The following DNM3 variants were observed in gnomAD, a reference collection of about 807,000 sequenced individuals.
DNM3 encodes the protein dynamin-3.
DNM3 carries 47 observed loss-of-function variants against 101.6 expected under a neutral mutation model. The ratio of observed to expected loss-of-function variants is 0.46; its 90% confidence interval spans 0.37 to 0.59. The LOEUF (loss-of-function observed/expected upper bound fraction) is 0.59, where lower values mean the gene tolerates loss of function less well. Ranked by LOEUF, DNM3 falls within the 20% of genes least tolerant of loss-of-function variation. The pLI is 0.00. For synonymous variants in DNM3, 385 were observed against 387.9 expected (o/e 0.99, Z 0.09); for missense variants, 849 against 1,085.7 (o/e 0.78, Z 3.06).
intron 13 of DNM3, among the ~76,000 whole-genome samples, chr1:172,096,164 C>T (rs1572488910): frequency 1.3e-5 from 2 of 152,220 alleles, no homozygotes; most frequent in Non-Finnish European, 2.9e-5. Flanking sequence ...GATTTAAAGT[C>T]ACCCTCCCTT....
intron 4 of DNM3, among the ~76,000 whole-genome samples, chr1:172,014,556 G>A (rs2047324312): frequency 1.3e-5 from 2 of 152,050 alleles, no homozygotes; most frequent in African/African-American, 4.8e-5. Context: ...ATATGATGTT[G>A]AACATCTTTT....
At chr1:172,305,936 G>A (rs1464404739) in intron 15 of DNM3, among the ~76,000 whole-genome samples, 2 of 152,320 alleles carry the variant, frequency 1.3e-5, no homozygotes, top group Non-Finnish European at 2.9e-5. Context: ...TAGTGAATGG[G>A]CAAAAACTGG....
chr1:171,915,637 A>G (rs1019067396), intron 1 of DNM3, among the ~76,000 whole-genome samples: 23 of 152,122 alleles, frequency 1.5e-4, no homozygotes, highest in Admixed American at 2.0e-4. Flanking sequence ...AACTGTAGAG[A>G]TGTTTGGTTC....
chr1:171,954,057 C>T (rs1350273246), intron 2 of DNM3, among the ~76,000 whole-genome samples: 2 of 152,168 alleles, frequency 1.3e-5, no homozygotes, highest in African/African-American at 4.8e-5. Flanking sequence ...ACTGCCCCTT[C>T]TGTTGTGGAC....
intron 20 of DNM3, chr1:172,389,025 C>T (rs1397726411): frequency 1.0e-5 from 6 of 593,084 alleles, no homozygotes; most frequent in Non-Finnish European, 1.8e-5. Flanking sequence ...TCAATTGGCA[C>T]AGACTAAATA....
chr1:172,342,120 G>A lies in DNM3; in HGVS notation c.1893+18780G>A, dbSNP rs760858473. On this transcript the variant is annotated intron_variant, in intron 17 of 20. Transcript: ENST00000627582. ...AAATAAAAAAATAGCAGATGGTGGCGAGGTTGCAGAGAAAAGGGAATGTTC... is the reference window on the plus strand; with the variant it reads ...AAATAAAAAAATAGCAGATGGTGGCAAGGTTGCAGAGAAAAGGGAATGTTC... Among the ~76,000 whole-genome samples the A allele has an allele frequency of 3.3e-5, 5 of 152,246 alleles. No individual in the cohort carries two copies. The East Asian group carries it at 5.8e-4, about 18-fold the overall frequency.
chr1:171,917,288 A>T (rs1386446124), intron 1 of DNM3, among the ~76,000 whole-genome samples: 1 of 152,100 alleles, frequency 6.6e-6, no homozygotes, highest in Non-Finnish European at 1.5e-5. Flanking sequence ...GCCGGGGGGA[A>T]TTTTTTTTAG....
intron 1 of DNM3, among the ~76,000 whole-genome samples, chr1:171,877,879 G>C (rs1454521864): frequency 6.6e-6 from 1 of 152,212 alleles, no homozygotes; most frequent in Non-Finnish European, 1.5e-5. Context: ...TCGTGGTTAA[G>C]ACTTAGACCG....
intron 20 of DNM3, among the ~76,000 whole-genome samples, chr1:172,389,645 A>G (rs1169664033): frequency 6.6e-6 from 1 of 152,206 alleles, no homozygotes; most frequent in Non-Finnish European, 1.5e-5. Flanking sequence ...TAGCCCATAT[A>G]TAAAGTTAAT....
At chr1:172,009,125 A>ATT (rs2046939815) in intron 4 of DNM3, among the ~76,000 whole-genome samples, 1 of 133,560 alleles carries the variant, frequency 7.5e-6, no homozygotes, top group Non-Finnish European at 1.5e-5. Flanking sequence ...ATCATATAAT[A>ATT]TATATATTTA....
intron 14 of DNM3, among the ~76,000 whole-genome samples, chr1:172,190,053 G>T (rs1215609288): frequency 6.9e-6 from 1 of 144,378 alleles, no homozygotes; most frequent in African/African-American, 2.6e-5. Flanking sequence ...GGGTACATGT[G>T]CACAACGTGC....
intron 2 of DNM3, among the ~76,000 whole-genome samples, chr1:171,967,189 G>T (rs962199574): frequency 9.9e-5 from 15 of 152,140 alleles, no homozygotes; most frequent in Admixed American, 2.0e-4. Context: ...CATTTTTTAT[G>T]TCAATTCTAC....
chr1:172,116,927 C>T lies in DNM3; in HGVS notation c.1546-14248C>T, dbSNP rs191324274. Among the ~76,000 whole-genome samples the T allele has an allele frequency of 2.1e-3, 314 of 152,184 alleles. 1 individual carries two copies. The highest frequency in any genetic ancestry group is 2.7e-3 in the Non-Finnish European group (185 of 68,008). ...AGTTACTTAAAAGTCTTCACTGGGC[C>T]GGACGTGGTGGTTCCCGCTTGTATT... is the stretch of plus-strand genomic sequence containing the variant. On this transcript the variant is annotated intron_variant, in intron 13 of 20. Coordinates refer to ENST00000627582, the MANE Select transcript of DNM3 (RefSeq NM_015569.5).
In DNM3 at chr1:172,168,292, G is replaced by A. The variant is rs535163034; in HGVS notation, c.1659+37004G>A. ...TTAAAATATTAACTACACTGGGAAA[G>A]CAAGAAAGCACACCTGCCATTTCCT... On this transcript the variant is annotated intron_variant, in intron 14 of 20. Coordinates refer to ENST00000627582, the MANE Select transcript of DNM3 (RefSeq NM_015569.5). Among the ~76,000 whole-genome samples the A allele has an allele frequency of 3.3e-5, 5 of 151,882 alleles. No individual in the cohort carries two copies. In the East Asian group the frequency reaches 9.7e-4, roughly 30 times the overall value.
intron 18 of DNM3, among the ~76,000 whole-genome samples, chr1:172,381,163 T>G (rs944526300): frequency 6.6e-6 from 1 of 151,964 alleles, no homozygotes; most frequent in South Asian, 2.1e-4. Flanking sequence ...CTTGTTTTAA[T>G]GAAATGGCTA....
chr1:172,333,248 G>A (rs2066267144), intron 17 of DNM3, among the ~76,000 whole-genome samples: 1 of 152,156 alleles, frequency 6.6e-6, no homozygotes, highest in Non-Finnish European at 1.5e-5. Context: ...AATAAGTTAA[G>A]ACAAAACTGT....
At chr1:172,313,550 T>C (rs2065170045) in intron 16 of DNM3, among the ~76,000 whole-genome samples, 1 of 152,122 alleles carries the variant, frequency 6.6e-6, no homozygotes, top group African/African-American at 2.4e-5. Context: ...TGGAATGAGG[T>C]AGACTTCAAG....
chr1:172,158,563 G>A (rs941983777), intron 14 of DNM3, among the ~76,000 whole-genome samples: 16 of 151,860 alleles, frequency 1.1e-4, no homozygotes, highest in African/African-American at 3.9e-4. Flanking sequence ...TGAGATGGAT[G>A]ATGGAGGCCT....
At chr1:172,289,011 A>G (rs1401457888) in intron 15 of DNM3, among the ~76,000 whole-genome samples, 3 of 152,078 alleles carry the variant, frequency 2.0e-5, no homozygotes, top group Admixed American at 6.6e-5. Flanking sequence ...GGAGTTTCAC[A>G]TTTCTATTCA....
Sources: allele counts gnomAD v4.1 joint callset (sites outside exome capture counted in the v4.1 genomes callset), GRCh38; gene constraint gnomAD v4.1.1; transcripts MANE v1.5; gene names NCBI Gene and HGNC (gene_info 2026-07-23, HGNC 2026-07-21).